Variants in TMEM131L observed in about 807,000 individuals in gnomAD.
The protein encoded by TMEM131L is transmembrane 131 like, also known as transmembrane protein 131-like.
TMEM131L carries 54 observed loss-of-function variants against 192.2 expected under a neutral mutation model. The observed-to-expected ratio is 0.28, with a 90% CI of 0.23 to 0.35. The LOEUF is 0.35. Among genes scored for constraint, TMEM131L ranks in the 10% least tolerant of loss-of-function variants. The probability of loss-of-function intolerance (pLI) is 1.00; values close to 1 mark genes in which losing one functional copy is unlikely to be tolerated. For missense variants in TMEM131L, 1,888 were observed against 1,972.9 expected (o/e 0.96, Z 0.82); for synonymous variants, 701 against 704.9 (o/e 0.99, Z 0.09).
At chr4:153,491,033 C>T (rs1732743416) in intron 3 of TMEM131L, among the ~76,000 whole-genome samples, 1 of 151,406 alleles carries the variant, frequency 6.6e-6, no homozygotes, top group Non-Finnish European at 1.5e-5. Context: ...AGAGATGTGT[C>T]ATATAGGTAT....
intron 26 of TMEM131L, among the ~76,000 whole-genome samples, chr4:153,617,698 G>A (rs1436938476): frequency 6.6e-6 from 1 of 152,182 alleles, no homozygotes; most frequent in Non-Finnish European, 1.5e-5. Context: ...GGCAGACACA[G>A]TGAACAGGAT....
chr4:153,504,035 C>T lies in TMEM131L; in HGVS notation c.239+30147C>T, dbSNP rs531578132. ...AGGCTGGAGTGCAGTGGTGCTATCTCGGCTCACTGCAAGCTCCACCTCCTG... is the reference window on the plus strand; with the variant it reads ...AGGCTGGAGTGCAGTGGTGCTATCTTGGCTCACTGCAAGCTCCACCTCCTG... On this transcript the variant is annotated intron_variant, in intron 3 of 34. Coordinates refer to ENST00000409959, the MANE Select transcript of TMEM131L (RefSeq NM_001131007.2). Among the ~76,000 whole-genome samples, 67 of 152,138 alleles carry T rather than the reference C, an allele frequency of 4.4e-4. 1 individual carries two copies. Among genetic ancestry groups the T allele is most frequent in the African/African-American group, 1.3e-3 (53 of 41,500 alleles).
intron 3 of TMEM131L, among the ~76,000 whole-genome samples, chr4:153,523,661 T>C (rs1312334971): frequency 6.6e-6 from 1 of 152,244 alleles, no homozygotes; most frequent in African/African-American, 2.4e-5. Flanking sequence ...TGTGTGCTTC[T>C]AATTGGCCTC....
chr4:153,472,783 C>G (rs114113836), intron 2 of TMEM131L, among the ~76,000 whole-genome samples: 2,504 of 152,240 alleles, frequency 0.016, 78 homozygotes, highest in African/African-American at 0.057. Flanking sequence ...TGCAAAGGCC[C>G]TGAGGCACTT....
intron 3 of TMEM131L, among the ~76,000 whole-genome samples, chr4:153,521,644 G>A (rs562535668): frequency 6.6e-6 from 1 of 152,120 alleles, no homozygotes; most frequent in East Asian, 1.9e-4. Context: ...TTTTCATCTT[G>A]TAGAACTGAA....
chr4:153,507,118 C>T (rs1734045388), intron 3 of TMEM131L, among the ~76,000 whole-genome samples: 1 of 152,162 alleles, frequency 6.6e-6, no homozygotes, highest in South Asian at 2.1e-4. Context: ...AGAAGTCAAA[C>T]TGCAGTATAG....
intron 3 of TMEM131L, among the ~76,000 whole-genome samples, chr4:153,539,174 G>C (rs994406999): frequency 5.3e-5 from 8 of 152,200 alleles, no homozygotes; most frequent in South Asian, 2.1e-4. Context: ...CCCCAAAAGG[G>C]GGGGAGGCGG....
At chr4:153,491,862 G>A (rs759707862) in intron 3 of TMEM131L, among the ~76,000 whole-genome samples, 1 of 151,980 alleles carries the variant, frequency 6.6e-6, no homozygotes, top group Non-Finnish European at 1.5e-5. Context: ...ACTTGCCACC[G>A]TGTCTGGCTA....
At chr4:153,570,526 T>C (rs546838176) in intron 7 of TMEM131L, among the ~76,000 whole-genome samples, 1 of 152,212 alleles carries the variant, frequency 6.6e-6, no homozygotes, top group African/African-American at 2.4e-5. Flanking sequence ...TGCTCTGGCC[T>C]TCCCTCAGAG....
intron 21 of TMEM131L, among the ~76,000 whole-genome samples, chr4:153,599,519 A>G (rs1731683643): frequency 6.6e-6 from 1 of 152,250 alleles, no homozygotes; most frequent in South Asian, 2.1e-4. Flanking sequence ...TCTCTAAAAC[A>G]AACAAAAAAG....
At chr4:153,575,986 G>A (rs909573956) in intron 7 of TMEM131L, among the ~76,000 whole-genome samples, 1 of 149,974 alleles carries the variant, frequency 6.7e-6, no homozygotes, top group African/African-American at 2.5e-5. Flanking sequence ...TTGAGATGAA[G>A]TCTCACGCTG....
At position 153,591,043 on chromosome 4, in the gene TMEM131L, A is replaced by C; in HGVS notation, c.1671-10A>C. The C allele has an allele frequency of 6.6e-7, 1 of 1,504,432 alleles. No individual in the cohort carries two copies. The highest frequency in any genetic ancestry group is 8.9e-7 in the Non-Finnish European group (1 of 1,122,802). 93.2% of individuals were successfully genotyped at this position (1,504,432 alleles called of 1,614,324 possible). A position where few individuals can be genotyped will look rare whatever the true frequency, so the allele number is the denominator to read the frequency against. On this transcript the variant is annotated splice_polypyrimidine_tract_variant and intron_variant, in intron 16 of 34. Coordinates refer to ENST00000409959, the MANE Select transcript of TMEM131L (RefSeq NM_001131007.2). ...TATTTTTCATAATAGTTTCTTTATC[A>C]ATTAAACAGGAGGAATGTTTTGGGA...
chr4:153,603,430 G>A lies in TMEM131L; in HGVS notation c.2767G>A (p.Val923Ile). Residue 923 changes from valine (V) to isoleucine (I), a missense_variant, in exon 24 of 35, where the codon GTA becomes ATA. Physicochemically the swap from Val to Ile is conservative, Grantham distance 29. Coordinates refer to ENST00000409959, the MANE Select transcript of TMEM131L (RefSeq NM_001131007.2). ...ACAGCAAAACAATGGTCCTATGGAT[G>A]TAATCAGCCCCCATTCTTACAAGTA... ...SSQQNNGPMD[V>I]ISPHSYKSNC... 1 of 1,613,940 alleles carries A rather than the reference G, an allele frequency of 6.2e-7. No individual in the cohort carries two copies. The highest frequency in any genetic ancestry group is 8.5e-7 in the Non-Finnish European group (1 of 1,179,920).
At chr4:153,621,616 A>G in intron 27 of TMEM131L, 67 bp from the exon 28 acceptor site, 1 of 1,524,006 alleles carries the variant, frequency 6.6e-7, no homozygotes, top group Non-Finnish European at 9.0e-7. Context: ...GTGTCATGGA[A>G]AGGAAGTCTG....
At chr4:153,619,415 G>A (rs1733231129) in intron 26 of TMEM131L, among the ~76,000 whole-genome samples, 1 of 152,192 alleles carries the variant, frequency 6.6e-6, no homozygotes, top group Admixed American at 6.5e-5. Context: ...TCAAACTTAA[G>A]CAATTAGCAT....
At chr4:153,623,121 C>T (rs1299454822) in intron 29 of TMEM131L, 38 bp downstream of exon 29, 10 of 1,516,934 alleles carry the variant, frequency 6.6e-6, no homozygotes, top group East Asian at 2.3e-5. Context: ...TCTCGGTGGC[C>T]CTTCCCTCTG....
chr4:153,540,600 TAACTGCCTTGGGTAGATAGAAG>T lies in TMEM131L; in HGVS notation c.240-9470_240-9449del, dbSNP rs556193978. Among the ~76,000 whole-genome samples, 55 of 152,372 alleles carry T rather than the reference TAACTGCCTTGGGTAGATAGAAG, an allele frequency of 3.6e-4. 1 individual carries two copies. The highest frequency in any genetic ancestry group is 1.0e-3 in the South Asian group (5 of 4,832). ...ATTTGCCTTTGGGGATTTCTGAATC[TAACTGCCTTGGGTAGATAGAAG>T]AAATGAATGTTGGTGGGATTTGGCA... On this transcript the variant is annotated intron_variant, in intron 3 of 34. Coordinates refer to ENST00000409959, the MANE Select transcript of TMEM131L (RefSeq NM_001131007.2).
chr4:153,511,779 A>G (rs962695389), intron 3 of TMEM131L, among the ~76,000 whole-genome samples: 4 of 152,216 alleles, frequency 2.6e-5, no homozygotes, highest in African/African-American at 7.2e-5. Flanking sequence ...ATAGTCTTCT[A>G]CAGAGACTGA....
Position 153,603,427 on chromosome 4 carries a change from G to A in TMEM131L, c.2764G>A (p.Asp922Asn). ...SSSQQNNGPM[D>N]VISPHSYKSN... is the part of the protein sequence containing the mutation. ...TTCACAGCAAAACAATGGTCCTATGGATGTAATCAGCCCCCATTCTTACAA... is the reference window on the plus strand; with the variant it reads ...TTCACAGCAAAACAATGGTCCTATGAATGTAATCAGCCCCCATTCTTACAA... The change falls in exon 24 of 35, where the codon GAT becomes AAT. Residue 922 changes from aspartate (D) to asparagine (N), a missense_variant. Transcript: ENST00000409959. The A allele has an allele frequency of 1.2e-6, 2 of 1,614,004 alleles. No homozygotes were observed. Among genetic ancestry groups the A allele is most frequent in the Non-Finnish European group, 1.7e-6 (2 of 1,179,946 alleles).
Sources: gnomAD v4.1 joint callset for allele counts (sites outside exome capture counted in the v4.1 genomes callset) on GRCh38, gnomAD v4.1.1 for gene constraint, MANE v1.5 for transcripts, NCBI Gene and HGNC (gene_info 2026-07-23, HGNC 2026-07-21) for gene names.